Variants in EVC observed in about 807,000 individuals in gnomAD.
The protein encoded by EVC is EvC ciliary complex subunit 1, also known as evC complex member EVC.
In EVC, 116 loss-of-function variants were observed where a neutral mutation model predicts 118.9. The ratio of observed to expected loss-of-function variants is 0.98; its 90% CI spans 0.84 to 1.14. The LOEUF (loss-of-function observed/expected upper bound fraction) is 1.14. EVC is among the 50% of genes most tolerant of loss of function. The probability of loss-of-function intolerance (pLI) is 0.00; values close to 1 mark genes in which losing one functional copy is unlikely to be tolerated. For missense variants in EVC, 1,401 were observed against 1,246.4 expected, an observed-to-expected ratio of 1.12 and a Z score of -1.87; for synonymous variants, 619 against 534.7, an observed-to-expected ratio of 1.16 and a Z score of -2.18.
chr4:5,757,273 G>T (rs75523497), intron 11 of EVC, among the ~76,000 whole-genome samples: 1 of 152,110 alleles, frequency 6.6e-6, no homozygotes, highest in Non-Finnish European at 1.5e-5. Flanking sequence ...TGAAGGTGAC[G>T]TCAAGGACAG....
At chr4:5,724,738 CTTTTA>C (rs1725536067) in intron 2 of EVC, among the ~76,000 whole-genome samples, 1 of 150,672 alleles carries the variant, frequency 6.6e-6, no homozygotes, top group African/African-American at 2.5e-5. Flanking sequence ...TTTTCTTCAA[CTTTTA>C]TTTTAAGTTC....
rs1731111279 is a variant in EVC at position 5,755,981 on chromosome 4, C to G, written c.1465-283C>G. On this transcript the variant is annotated intron_variant, in intron 10 of 20. Transcript: ENST00000264956. This position sits in a 1 kb window ranked among gnomAD's most constrained non-coding sequence, Gnocchi z 4.1. ...GAAAGTGATGTCTGGGTGGCTGCAG[C>G]CAGGACAGAGGAGTGACAGAAGTGG... 6.6e-6 allele frequency among the ~76,000 whole-genome samples: 1 copy of G among 152,154 alleles called. No homozygotes were observed. The highest frequency in any genetic ancestry group is 2.4e-5 in the African/African-American group (1 of 41,434).
chr4:5,741,442 G>A (rs1330701300), intron 5 of EVC, among the ~76,000 whole-genome samples: 3 of 152,212 alleles, frequency 2.0e-5, no homozygotes. Flanking sequence ...CTTGCACAGA[G>A]TAAGCACTCA....
Position 5,789,758 on chromosome 4 carries a change from C to T in EVC, c.1777-3850C>T, listed in dbSNP as rs1386355271. ...AAGAGGTTTATGTAACAGCTGCAGGCACCATCTGGTCCAGAGATCTTGACC... is the reference window on the plus strand; with the variant it reads ...AAGAGGTTTATGTAACAGCTGCAGGTACCATCTGGTCCAGAGATCTTGACC... On this transcript the variant is annotated intron_variant, in intron 12 of 20. Coordinates refer to ENST00000264956, the MANE Select transcript of EVC (RefSeq NM_153717.3). The surrounding 1 kb of genome is among the most constrained non-coding windows in gnomAD (Gnocchi z 4.3). 6.6e-6 allele frequency among the ~76,000 whole-genome samples: 1 copy of T among 152,210 alleles called. No individual in the cohort carries two copies. The highest frequency in any genetic ancestry group is 1.5e-5 in the Non-Finnish European group (1 of 68,050).
chr4:5,763,607 G>A (rs1191169400), intron 11 of EVC, among the ~76,000 whole-genome samples: 2 of 123,500 alleles, frequency 1.6e-5, no homozygotes, highest in African/African-American at 6.2e-5. Flanking sequence ...TCCTTGAAGA[G>A]GTCCTTCACA....
chr4:5,798,836 G>T lies in EVC; in HGVS notation c.2304+44G>T. The T allele has an allele frequency of 1.3e-6, 2 of 1,583,636 alleles. No homozygotes were observed. Among genetic ancestry groups the T allele is most frequent in the South Asian group, 1.1e-5 (1 of 87,400 alleles). The stretch of plus-strand genomic sequence containing the variant: ...CCCTGGGGACACCGAGGGCAAGAAT[G>T]TTCAGGGTAGGGTCCATGCCTGGGT... On this transcript the variant is annotated intron_variant, in intron 15 of 20. Coordinates refer to ENST00000264956, the MANE Select transcript of EVC (RefSeq NM_153717.3). This position sits in a 1 kb window ranked among gnomAD's most constrained non-coding sequence, Gnocchi z 4.1.
chr4:5,747,816 T>A (rs1352972349), intron 7 of EVC, among the ~76,000 whole-genome samples: 4 of 152,240 alleles, frequency 2.6e-5, no homozygotes, highest in Non-Finnish European at 4.4e-5. Context: ...CATGAGCACA[T>A]TGTCACATTT....
intron 6 of EVC, 59 bp from the exon 7 acceptor site, chr4:5,745,145 T>C: frequency 6.6e-7 from 1 of 1,522,136 alleles, no homozygotes; most frequent in South Asian, 1.2e-5. Context: ...TTCTAGAATT[T>C]AAGACACGCT....
intron 5 of EVC, among the ~76,000 whole-genome samples, chr4:5,736,070 G>T (rs1727619435): frequency 6.6e-6 from 1 of 152,184 alleles, no homozygotes; most frequent in African/African-American, 2.4e-5. Flanking sequence ...TGAGGAGGAA[G>T]AAACTGGCTC....
intron 1 of EVC, among the ~76,000 whole-genome samples, chr4:5,716,060 T>C (rs1000132964): frequency 1.3e-5 from 2 of 152,188 alleles, no homozygotes; most frequent in Non-Finnish European, 2.9e-5. Context: ...CTTCTAGCTG[T>C]TGTAGAACCA....
downstream of EVC, among the ~76,000 whole-genome samples, chr4:5,819,184 T>C (rs913989305): frequency 1.3e-5 from 2 of 152,124 alleles, no homozygotes; most frequent in African/African-American, 2.4e-5. Flanking sequence ...AAGATAAAAC[T>C]TCTAGAAAAA....
At chr4:5,777,771 G>T (rs909178716) in intron 11 of EVC, among the ~76,000 whole-genome samples, 7 of 152,108 alleles carry the variant, frequency 4.6e-5, no homozygotes, top group African/African-American at 1.2e-4. Flanking sequence ...CAAAGTCAGG[G>T]TTGGCGATGA....
chr4:5,777,824 T>G (rs1248735688), intron 11 of EVC, among the ~76,000 whole-genome samples: 1 of 132,278 alleles, frequency 7.6e-6, no homozygotes, highest in Admixed American at 8.0e-5. Context: ...AACATTGATT[T>G]GAATGAAATT....
chr4:5,712,387 G>T (rs1383050078), intron 1 of EVC, among the ~76,000 whole-genome samples: 1 of 152,230 alleles, frequency 6.6e-6, no homozygotes, highest in Admixed American at 6.5e-5. Context: ...GAGGGTCGGG[G>T]TGGCTGCCTG....
chr4:5,802,230 C>A, intron 16 of EVC, 136 bp downstream of exon 16: 1 of 1,287,084 alleles, frequency 7.8e-7, no homozygotes, highest in Non-Finnish European at 1.1e-6. Flanking sequence ...ATGTATTTAT[C>A]CCGTGCTTTG....
intron 18 of EVC, 45 bp from the exon 19 acceptor site, chr4:5,809,473 T>G: frequency 6.4e-7 from 1 of 1,556,620 alleles, no homozygotes; most frequent in Non-Finnish European, 8.9e-7. Context: ...TTTAGAGAAG[T>G]CAGAGGGAGG....
Position 5,754,002 on chromosome 4 carries a change from C to G in EVC, c.1464+69C>G, listed in dbSNP as rs1027656951. 6.9e-6 allele frequency: 11 copies of G among 1,593,614 alleles called. No individual in the cohort carries two copies. The highest frequency in any genetic ancestry group is 9.4e-6 in the Non-Finnish European group (11 of 1,164,316). On this transcript the variant is annotated intron_variant, in intron 10 of 20. Transcript: ENST00000264956. This position sits in a 1 kb window ranked among gnomAD's most constrained non-coding sequence, Gnocchi z 5.8. ...GTAGCTCTGTTCCCGTGACTGAGCACGGGACGCCGGAGGTATTCATCAGGC... is the reference window on the plus strand; with the variant it reads ...GTAGCTCTGTTCCCGTGACTGAGCAGGGGACGCCGGAGGTATTCATCAGGC...
Position 5,711,434 on chromosome 4 carries a change from G to C in EVC, c.54G>C (p.Arg18=), listed in dbSNP as rs1050002700. The C allele has an allele frequency of 3.9e-6, 4 of 1,024,286 alleles. No homozygotes were observed. The highest frequency in any genetic ancestry group is 4.7e-6 in the Non-Finnish European group (4 of 858,378). 63.4% of individuals were successfully genotyped at this position (1,024,286 alleles called of 1,614,324 possible). A position where few individuals can be genotyped will look rare whatever the true frequency, so the allele number is the denominator to read the frequency against. ...CKSDARLLLG[R]DALRPAPALL... is the part of the protein sequence containing the mutation. ...GCGACGCGCGGCTGCTGCTGGGGCG[G>C]GACGCGCTGCGGCCGGCGCCCGCCC... Residue 18 remains arginine (R), a synonymous_variant, in exon 1 of 21, where the codon CGG becomes CGC. Transcript: ENST00000264956.
intron 5 of EVC, among the ~76,000 whole-genome samples, chr4:5,734,269 AGAG>A (rs1050091840): frequency 6.6e-6 from 1 of 152,226 alleles, no homozygotes; most frequent in Non-Finnish European, 1.5e-5. Flanking sequence ...GATGAGAGAA[AGAG>A]GAGAGCTAGA....
Sources: gnomAD v4.1 joint callset for allele counts (sites outside exome capture counted in the v4.1 genomes callset) on GRCh38, gnomAD v4.1.1 for gene constraint, Gnocchi (gnomAD v3.1) non-coding constraint, MANE v1.5 for transcripts, NCBI Gene and HGNC (gene_info 2026-07-23, HGNC 2026-07-21) for gene names.